Variants in MTRF1 observed in about 807,000 individuals in gnomAD.
The protein encoded by MTRF1 is peptide chain release factor 1, mitochondrial.
Under a neutral mutation model 62.9 loss-of-function variants are expected in MTRF1, and 51 were observed. That is an observed-to-expected ratio of 0.81 (90% CI 0.65 to 1.02). The LOEUF (loss-of-function observed/expected upper bound fraction) is 1.02, where lower values mean the gene tolerates loss of function less well. MTRF1 is among the 50% of genes least tolerant of loss of function. The pLI is 0.00. For synonymous variants in MTRF1, 158 were observed against 181.9 expected (o/e 0.87, Z 1.06); for missense variants, 446 against 530.0 (o/e 0.84, Z 1.56).
intron 7 of MTRF1, among the ~76,000 whole-genome samples, chr13:41,230,624 A>C (rs2035365363): frequency 6.6e-6 from 1 of 151,866 alleles, no homozygotes. Flanking sequence ...AAACAAGAGA[A>C]AGTATGAAAT....
At chr13:41,223,012 A>G (rs958335321) in intron 9 of MTRF1, among the ~76,000 whole-genome samples, 12 of 152,228 alleles carry the variant, frequency 7.9e-5, no homozygotes, top group Non-Finnish European at 4.4e-5. Flanking sequence ...ACGTTCATGC[A>G]TTGTGATTGC....
chr13:41,225,808 TAAAAAA>T (rs11368326), intron 8 of MTRF1, among the ~76,000 whole-genome samples: 1 of 121,114 alleles, frequency 8.3e-6, no homozygotes, highest in Non-Finnish European at 1.7e-5. Flanking sequence ...ACTCTGTCAT[TAAAAAA>T]AAAAAAAAAA....
intron 7 of MTRF1, among the ~76,000 whole-genome samples, chr13:41,230,669 TTCATACAACAA>T (rs1202544207): frequency 1.3e-5 from 2 of 152,092 alleles, no homozygotes; most frequent in Non-Finnish European, 2.9e-5. Context: ...GTTTTAACTT[TTCATACAACAA>T]ACAATACAAG....
At chr13:41,228,788 A>G (rs2034960726) in intron 7 of MTRF1, among the ~76,000 whole-genome samples, 1 of 152,258 alleles carries the variant, frequency 6.6e-6, no homozygotes, top group African/African-American at 2.4e-5. Context: ...GAAATTATCT[A>G]GAAGCAGTGG....
chr13:41,232,192 TA>T (rs199824061), intron 7 of MTRF1, among the ~76,000 whole-genome samples: 4,653 of 151,120 alleles, frequency 0.031, 97 homozygotes, highest in South Asian at 0.054. Context: ...CCTTCAGTAA[TA>T]AAAAAAAGAA....
At chr13:41,243,113 G>A (rs1195278008) in intron 5 of MTRF1, among the ~76,000 whole-genome samples, 1 of 152,154 alleles carries the variant, frequency 6.6e-6, no homozygotes, top group Non-Finnish European at 1.5e-5. Context: ...CAGCTACTTA[G>A]GATGCTGAGG....
chr13:41,263,506 G>T lies in MTRF1; in HGVS notation c.-30C>A, dbSNP rs2040706758. 7.1e-6 allele frequency: 2 copies of T among 281,474 alleles called. No homozygotes were observed. The highest frequency in any genetic ancestry group is 1.4e-5 in the Non-Finnish European group (2 of 138,644). 17.4% of individuals were successfully genotyped at this position (281,474 alleles called of 1,614,324 possible). On this transcript the variant is annotated 5_prime_UTR_variant, in exon 1 of 10. Coordinates refer to ENST00000379480, the MANE Select transcript of MTRF1 (RefSeq NM_004294.4). ...GTACCTAAGAAAAAGAAGAATACAC[G>T]TTAGCTCTCTTTACTGAGGTCGGAA...
At chr13:41,236,143 T>G (rs2036533224) in intron 6 of MTRF1, 1 of 151,810 alleles carries the variant, frequency 6.6e-6, no homozygotes, top group Admixed American at 6.6e-5. Flanking sequence ...GACAAGAGTC[T>G]TGCTTTATTG....
chr13:41,277,657 ACT>A, the MTRF1 span, among the ~76,000 whole-genome samples: 1 of 152,038 alleles, frequency 6.6e-6, no homozygotes, highest in African/African-American at 2.4e-5. Context: ...ATCTATCCAA[ACT>A]CTGTCCTTTT....
At chr13:41,254,333 G>C (rs771732041) in intron 3 of MTRF1, among the ~76,000 whole-genome samples, 196 bp downstream of exon 3, 1 of 151,710 alleles carries the variant, frequency 6.6e-6, no homozygotes, top group Non-Finnish European at 1.5e-5. Flanking sequence ...TTTACCCTGG[G>C]AGTCTTTATT....
At chr13:41,271,945 AAAC>A in the MTRF1 span, among the ~76,000 whole-genome samples, 1 of 152,146 alleles carries the variant, frequency 6.6e-6, no homozygotes, top group African/African-American at 2.4e-5. Flanking sequence ...CAGGATCCTT[AAAC>A]AACAACTTCC....
At chr13:41,252,444 C>T (rs2039191388) in intron 5 of MTRF1, 1 of 386,712 alleles carries the variant, frequency 2.6e-6, no homozygotes, top group African/African-American at 2.1e-5. Flanking sequence ...TAAGCAAATG[C>T]TTCCCTCCTT....
At chr13:41,282,201 A>C in the MTRF1 span, among the ~76,000 whole-genome samples, 2 of 152,112 alleles carry the variant, frequency 1.3e-5, no homozygotes, top group Non-Finnish European at 2.9e-5. Context: ...CCAGCTGGTA[A>C]GAATAGGCTA....
the MTRF1 span, among the ~76,000 whole-genome samples, chr13:41,276,363 G>A: frequency 0.038 from 5,730 of 151,848 alleles, 337 homozygotes; most frequent in African/African-American, 0.13. Context: ...GTAGAGATGA[G>A]GGTTCACCAT....
At chr13:41,241,531 T>A (rs1032309151) in intron 5 of MTRF1, among the ~76,000 whole-genome samples, 1 of 152,212 alleles carries the variant, frequency 6.6e-6, no homozygotes, top group African/African-American at 2.4e-5. Context: ...CTCTTCCCTA[T>A]GAGTAATCAT....
At chr13:41,244,884 A>G (rs2038038107) in intron 5 of MTRF1, among the ~76,000 whole-genome samples, 1 of 152,164 alleles carries the variant, frequency 6.6e-6, no homozygotes, top group South Asian at 2.1e-4. Flanking sequence ...ACCCTCATAA[A>G]TTGTGAGATA....
At chr13:41,276,499 T>C in the MTRF1 span, among the ~76,000 whole-genome samples, 1 of 152,150 alleles carries the variant, frequency 6.6e-6, no homozygotes, top group Admixed American at 6.5e-5. Flanking sequence ...ATACCTACCA[T>C]GTGCCAAGCA....
At chr13:41,303,891 G>A in the MTRF1 span, among the ~76,000 whole-genome samples, 1 of 152,144 alleles carries the variant, frequency 6.6e-6, no homozygotes, top group African/African-American at 2.4e-5. Context: ...CTTTGTAGTA[G>A]AGCAAATCTC....
chr13:41,292,067 CAAAACA>C, the MTRF1 span, among the ~76,000 whole-genome samples: 20 of 151,884 alleles, frequency 1.3e-4, no homozygotes, highest in Admixed American at 3.3e-4. Context: ...CAGAGACCAA[CAAAACA>C]AAAACAAAAA....
Sources: allele counts gnomAD v4.1 joint callset (sites outside exome capture counted in the v4.1 genomes callset), GRCh38; gene constraint gnomAD v4.1.1; transcripts MANE v1.5; gene names NCBI Gene and HGNC (gene_info 2026-07-23, HGNC 2026-07-21).